The following DSCAM variants were observed in gnomAD, a reference collection of about 807,000 sequenced individuals.
The protein encoded by DSCAM is cell adhesion molecule DSCAM.
Under a neutral mutation model 217.7 loss-of-function variants are expected in DSCAM, and 47 were observed. The ratio of observed to expected loss-of-function variants is 0.22; its 90% CI spans 0.17 to 0.28. The LOEUF is 0.28. Ranked by LOEUF, DSCAM falls within the 10% of genes least tolerant of loss-of-function variation. DSCAM has a pLI of 1.00. For missense variants in DSCAM, 2,080 were observed against 2,618.3 expected, an observed-to-expected ratio of 0.79 and a Z score of 4.49; for synonymous variants, 1,056 against 1,015.3, an observed-to-expected ratio of 1.04 and a Z score of -0.76.
chr21:40,204,433 T>G lies in DSCAM; in HGVS notation c.2357-15195A>C, dbSNP rs6517582. 2.2e-3 allele frequency among the ~76,000 whole-genome samples: 339 copies of G among 152,362 alleles called. 1 individual carries two copies. The highest frequency in any genetic ancestry group is 7.5e-3 in the African/African-American group (313 of 41,584). On this transcript the variant is annotated intron_variant, in intron 11 of 32. Transcript: ENST00000400454. ...AAATTTTGTGTGAAAGCCAAGATGA[T>G]GCATTTTTATTATGTTTATTAGAAA...
At position 40,246,306 on chromosome 21, in the gene DSCAM, C is replaced by G. The variant is rs141184602; in HGVS notation, c.2356+29791G>C. ...CCAAGGCAGGTGAATCAAATGAGGT[C>G]AAAAGTTCAAGACCAGCCTGGCCAA... is the stretch of plus-strand genomic sequence containing the variant. On this transcript the variant is annotated intron_variant, in intron 11 of 32. Coordinates refer to ENST00000400454, the MANE Select transcript of DSCAM (RefSeq NM_001389.5). 7.0e-3 allele frequency among the ~76,000 whole-genome samples: 809 copies of G among 114,832 alleles called. 9 individuals are homozygous for G. The highest frequency in any genetic ancestry group is 0.026 in the African/African-American group (777 of 29,404). The allele number at this position is 114,832 out of a possible 152,430, so 75.3% of individuals were successfully genotyped here. A position where few individuals can be genotyped will look rare whatever the true frequency, so the allele number is the denominator to read the frequency against.
At chr21:40,245,299 G>C (rs1264422421) in intron 11 of DSCAM, among the ~76,000 whole-genome samples, 1 of 152,182 alleles carries the variant, frequency 6.6e-6, no homozygotes, top group Admixed American at 6.5e-5. Flanking sequence ...CTCTGAGTGG[G>C]AGGACCTCTT....
chr21:40,569,959 T>C (rs1015510716), intron 3 of DSCAM, among the ~76,000 whole-genome samples: 5 of 151,862 alleles, frequency 3.3e-5, no homozygotes, highest in African/African-American at 1.2e-4. Flanking sequence ...ACAAATGTAG[T>C]GAACAAAATG....
chr21:40,231,918 T>G (rs1000621664), intron 11 of DSCAM, among the ~76,000 whole-genome samples: 4 of 152,196 alleles, frequency 2.6e-5, no homozygotes, highest in African/African-American at 9.7e-5. Flanking sequence ...TATTTACCAA[T>G]CTGATATATA....
At chr21:40,841,972 C>G (rs922649604) in intron 1 of DSCAM, among the ~76,000 whole-genome samples, 1 of 152,218 alleles carries the variant, frequency 6.6e-6, no homozygotes, top group Non-Finnish European at 1.5e-5. Flanking sequence ...ACGAACTCTA[C>G]GACGCCGGAG....
At chr21:40,741,343 A>T (rs2091121509) in intron 1 of DSCAM, among the ~76,000 whole-genome samples, 1 of 152,226 alleles carries the variant, frequency 6.6e-6, no homozygotes, top group South Asian at 2.1e-4. Context: ...TATCTTTCAT[A>T]TTCACATGTT....
At chr21:40,159,213 A>G (rs1181690422) in intron 16 of DSCAM, among the ~76,000 whole-genome samples, 1 of 152,176 alleles carries the variant, frequency 6.6e-6, no homozygotes, top group African/African-American at 2.4e-5. Flanking sequence ...ATGCCATTTG[A>G]TGATGTCTAT....
chr21:40,476,416 T>C (rs2075936356), intron 3 of DSCAM, among the ~76,000 whole-genome samples: 1 of 152,214 alleles, frequency 6.6e-6, no homozygotes, highest in South Asian at 2.1e-4. Flanking sequence ...AATATGCATA[T>C]ATTGCATGCA....
intron 11 of DSCAM, among the ~76,000 whole-genome samples, chr21:40,226,879 TC>T (rs1371370909): frequency 1.3e-5 from 2 of 152,184 alleles, no homozygotes; most frequent in African/African-American, 4.8e-5. Flanking sequence ...TAGTTACTTT[TC>T]CTGATTCTCT....
chr21:40,240,349 G>GTTT lies in DSCAM; in HGVS notation c.2356+35745_2356+35747dup, dbSNP rs749073872. Among the ~76,000 whole-genome samples the GTTT allele has an allele frequency of 2.4e-3, 139 of 57,728 alleles. 22 individuals are homozygous for GTTT. Among genetic ancestry groups the GTTT allele is most frequent in the African/African-American group, 7.5e-3 (98 of 12,992 alleles). 37.9% of individuals were successfully genotyped at this position (57,728 alleles called of 152,430 possible). On this transcript the variant is annotated intron_variant, in intron 11 of 32. Transcript: ENST00000400454. ...AGCTACTGCAGTAGCTTCCTCACTG[G>GTTT]TTTTTTTTTTTTTTTTTTTTTTTTG...
chr21:40,399,306 C>CAA (rs1053848174), intron 3 of DSCAM, among the ~76,000 whole-genome samples: 1 of 150,680 alleles, frequency 6.6e-6, no homozygotes. Context: ...CAAAACAAAA[C>CAA]AAAACATAGG....
chr21:40,382,361 T>A (rs1316240839), intron 3 of DSCAM, among the ~76,000 whole-genome samples: 2 of 152,126 alleles, frequency 1.3e-5, no homozygotes, highest in African/African-American at 2.4e-5. Flanking sequence ...TCAAAGTATA[T>A]CTTGTATCAT....
intron 3 of DSCAM, among the ~76,000 whole-genome samples, chr21:40,584,965 A>G (rs902857196): frequency 2.0e-5 from 3 of 152,232 alleles, no homozygotes; most frequent in East Asian, 1.9e-4. Context: ...TTTCAGCTCT[A>G]TTAATTCCAG....
chr21:40,040,249 T>C (rs1194832832), intron 32 of DSCAM, among the ~76,000 whole-genome samples: 3 of 152,352 alleles, frequency 2.0e-5, no homozygotes, highest in South Asian at 2.1e-4. Flanking sequence ...CATTTTACTC[T>C]GAATAGTCTA....
intron 3 of DSCAM, among the ~76,000 whole-genome samples, chr21:40,432,993 T>A (rs2075549253): frequency 6.6e-6 from 1 of 152,150 alleles, no homozygotes; most frequent in African/African-American, 2.4e-5. Context: ...CCATTTTCTA[T>A]CTGTTTCAAA....
At chr21:40,266,192 C>T (rs570530654) in intron 11 of DSCAM, among the ~76,000 whole-genome samples, 25 of 152,094 alleles carry the variant, frequency 1.6e-4, no homozygotes, top group Admixed American at 1.0e-3. Context: ...GGGCAAAGGA[C>T]CTGAATGGAT....
chr21:40,604,592 A>T (rs924317650), intron 3 of DSCAM, among the ~76,000 whole-genome samples: 1 of 152,196 alleles, frequency 6.6e-6, no homozygotes, highest in African/African-American at 2.4e-5. Context: ...TTAATGTTTG[A>T]TGTAGCTGCA....
intron 3 of DSCAM, among the ~76,000 whole-genome samples, chr21:40,636,767 T>TA (rs2089765747): frequency 1.3e-5 from 2 of 151,168 alleles, no homozygotes; most frequent in South Asian, 2.1e-4. Context: ...TGACTTTTTT[T>TA]TTTTTTTTTT....
chr21:40,284,577 A>C (rs1008858692), intron 10 of DSCAM, among the ~76,000 whole-genome samples: 6 of 152,224 alleles, frequency 3.9e-5, no homozygotes, highest in Non-Finnish European at 7.3e-5. Flanking sequence ...TAGAAGCAGC[A>C]AATTGATGCA....
Sources: gnomAD v4.1 joint callset for allele counts (sites outside exome capture counted in the v4.1 genomes callset) on GRCh38, gnomAD v4.1.1 for gene constraint, MANE v1.5 for transcripts, NCBI Gene and HGNC (gene_info 2026-07-23, HGNC 2026-07-21) for gene names.